CAB39L: variants seen among roughly 807,000 people sequenced by gnomAD.
CAB39L encodes calcium binding protein 39 like, also known as calcium-binding protein 39-like.
Under a neutral mutation model 39.1 loss-of-function variants are expected in CAB39L, and 23 were observed. The ratio of observed to expected loss-of-function variants is 0.59; its 90% CI spans 0.42 to 0.83. CAB39L has a LOEUF of 0.83. CAB39L is among the 40% of genes least tolerant of loss of function. The pLI, the probability that CAB39L is intolerant of heterozygous loss-of-function variation, is 0.00. For synonymous variants in CAB39L, 126 were observed against 137.2 expected (o/e 0.92, Z 0.57); for missense variants, 366 against 391.9 (o/e 0.93, Z 0.56).
In CAB39L at chr13:49,350,824, A is replaced by G. The variant is rs1426404933; in HGVS notation, c.484T>C (p.Ser162Pro). Residue 162 changes from serine to proline, a missense_variant, in exon 7 of 11, where the codon TCT becomes CCT. Physicochemically the swap from Ser to Pro is moderately conservative, Grantham distance 74. Transcript: ENST00000409308. Reference sequence around the variant, plus strand: ...TTAAAGAAATCTCTGAATTGATTAGAAAAGAGGATGATTTTGGCAAGTGGT... The same window carrying G: ...TTAAAGAAATCTCTGAATTGATTAGGAAAGAGGATGATTTTGGCAAGTGGT... ...HEPLAKIILF[S>P]NQFRDFFKYV... is the part of the protein sequence containing the mutation. 2 of 1,612,610 alleles carry G rather than the reference A, an allele frequency of 1.2e-6. No homozygotes were observed. Among genetic ancestry groups the G allele is most frequent in the African/African-American group, 2.7e-5 (2 of 74,910 alleles).
At chr13:49,375,701 C>T (rs946996309) in intron 5 of CAB39L, among the ~76,000 whole-genome samples, 6 of 151,012 alleles carry the variant, frequency 4.0e-5, no homozygotes, top group South Asian at 2.1e-4. Flanking sequence ...ATGTAAATGA[C>T]GAGTTAATGG....
intron 1 of CAB39L, among the ~76,000 whole-genome samples, chr13:49,441,321 T>C (rs1409952415): frequency 6.6e-6 from 1 of 150,990 alleles, no homozygotes; most frequent in Non-Finnish European, 1.5e-5. Flanking sequence ...ATGCCTATAA[T>C]GCTAGCACTT....
At chr13:49,359,397 G>A (rs895160639) in intron 6 of CAB39L, among the ~76,000 whole-genome samples, 2 of 152,048 alleles carry the variant, frequency 1.3e-5, no homozygotes, top group African/African-American at 4.8e-5. Context: ...AGCAGGAAAA[G>A]GGTAAGTGGG....
At chr13:49,416,968 T>C (rs1957095672) in intron 3 of CAB39L, among the ~76,000 whole-genome samples, 1 of 152,192 alleles carries the variant, frequency 6.6e-6, no homozygotes, top group Non-Finnish European at 1.5e-5. Context: ...ATCTTCTACA[T>C]AGAACCAAGC....
At chr13:49,429,725 T>A (rs1957291978) in intron 3 of CAB39L, among the ~76,000 whole-genome samples, 1 of 152,208 alleles carries the variant, frequency 6.6e-6, no homozygotes, top group African/African-American at 2.4e-5. Flanking sequence ...CTCGTTGAAT[T>A]CTTGCTTATT....
intron 7 of CAB39L, among the ~76,000 whole-genome samples, chr13:49,349,122 G>A (rs1393770514): frequency 1.3e-5 from 2 of 152,182 alleles, no homozygotes; most frequent in East Asian, 3.8e-4. Flanking sequence ...GTTTTCAGCA[G>A]AGCAAACCAC....
At chr13:49,348,732 A>G (rs1246833463) in intron 7 of CAB39L, among the ~76,000 whole-genome samples, 2 of 152,180 alleles carry the variant, frequency 1.3e-5, no homozygotes, top group Admixed American at 1.3e-4. Context: ...GTTCTTGTCA[A>G]TTAAATTTTC....
chr13:49,409,450 TAAAA>T (rs34396787), intron 3 of CAB39L, among the ~76,000 whole-genome samples: 28,128 of 143,522 alleles, frequency 0.2, 2,757 homozygotes, highest in Middle Eastern at 0.24. Context: ...TTGTTTGCTT[TAAAA>T]AAAAAAAAAA....
chr13:49,439,624 A>G (rs948940698), intron 1 of CAB39L, among the ~76,000 whole-genome samples: 2 of 152,230 alleles, frequency 1.3e-5, no homozygotes, highest in African/African-American at 4.8e-5. Context: ...ATTGCTGGTC[A>G]AATGGTAGTT....
At chr13:49,389,634 T>C (rs956239365) in intron 3 of CAB39L, among the ~76,000 whole-genome samples, 3 of 152,176 alleles carry the variant, frequency 2.0e-5, no homozygotes, top group Admixed American at 1.3e-4. Flanking sequence ...AACAAGACTC[T>C]GTCTCAAAAA....
intron 7 of CAB39L, among the ~76,000 whole-genome samples, chr13:49,346,862 G>A (rs762882768): frequency 6.6e-6 from 1 of 152,144 alleles, no homozygotes; most frequent in African/African-American, 2.4e-5. Context: ...ATTTTTAGAG[G>A]GAGGGATGAA....
chr13:49,428,656 T>C (rs1957276732), intron 3 of CAB39L, among the ~76,000 whole-genome samples: 1 of 152,156 alleles, frequency 6.6e-6, no homozygotes, highest in African/African-American at 2.4e-5. Flanking sequence ...AACTTCTCTT[T>C]TCTTAGGGGG....
chr13:49,371,857 G>A (rs778103462), intron 5 of CAB39L, among the ~76,000 whole-genome samples: 16 of 152,232 alleles, frequency 1.1e-4, no homozygotes, highest in Non-Finnish European at 2.4e-4. Flanking sequence ...CTCCCAAAGT[G>A]CTGGGATTAT....
intron 4 of CAB39L, among the ~76,000 whole-genome samples, chr13:49,378,581 G>A: frequency 1.3e-5 from 1 of 77,058 alleles, no homozygotes; most frequent in African/African-American, 7.5e-5. Flanking sequence ...CGTCCGGGAG[G>A]GAGGTGGGGG....
intron 3 of CAB39L, among the ~76,000 whole-genome samples, chr13:49,423,119 T>C (rs1957194441): frequency 6.6e-6 from 1 of 152,210 alleles, no homozygotes; most frequent in Non-Finnish European, 1.5e-5. Flanking sequence ...TGAAGGACTA[T>C]ACCATAGATC....
chr13:49,426,499 T>A (rs1957246848), intron 3 of CAB39L, among the ~76,000 whole-genome samples: 1 of 152,132 alleles, frequency 6.6e-6, no homozygotes, highest in South Asian at 2.1e-4. Flanking sequence ...TGATCTCAGC[T>A]CACTGCAAGC....
intron 1 of CAB39L, among the ~76,000 whole-genome samples, chr13:49,434,910 T>C (rs528354347): frequency 3.5e-4 from 53 of 152,178 alleles, no homozygotes; most frequent in Non-Finnish European, 6.6e-4. Context: ...TCATTTCCTT[T>C]TCAGATTTTT....
intron 7 of CAB39L, 137 bp downstream of exon 7, chr13:49,350,607 T>C: frequency 1.7e-6 from 1 of 587,966 alleles, no homozygotes; most frequent in East Asian, 2.7e-5. Flanking sequence ...TACAGATTCC[T>C]CTTATGATCC....
Position 49,405,757 on chromosome 13 carries a change from G to GGGAC in CAB39L, c.-31-22820_-31-22817dup, listed in dbSNP as rs1269620963. Among the ~76,000 whole-genome samples the GGGAC allele has an allele frequency of 6.2e-3, 799 of 128,396 alleles. 5 individuals carry two copies. Among genetic ancestry groups the GGGAC allele is most frequent in the Non-Finnish European group, 9.9e-3 (585 of 58,836 alleles). 84.2% of individuals were successfully genotyped at this position (128,396 alleles called of 152,430 possible). A position where few individuals can be genotyped will look rare whatever the true frequency, so the allele number is the denominator to read the frequency against. ...AGGAAGGAAGGAAGGAAGGGAGGGA[G>GGGAC]GGACGGAGGGACAGAGGGAGGGAGG... is the stretch of plus-strand genomic sequence containing the variant. On this transcript the variant is annotated intron_variant, in intron 3 of 10. Coordinates refer to ENST00000409308, the MANE Select transcript of CAB39L (RefSeq NM_001079670.3).
Sources: allele counts gnomAD v4.1 joint callset (sites outside exome capture counted in the v4.1 genomes callset), GRCh38; gene constraint gnomAD v4.1.1; transcripts MANE v1.5; gene names NCBI Gene and HGNC (gene_info 2026-07-23, HGNC 2026-07-21).